Variants in PRKCQ observed in about 807,000 individuals in gnomAD.
PRKCQ encodes the protein protein kinase C theta.
In PRKCQ, 41 loss-of-function variants were observed where a neutral mutation model predicts 91.2. That is an observed-to-expected ratio of 0.45 (90% CI 0.35 to 0.58). PRKCQ has a LOEUF of 0.58. Ranked by LOEUF, PRKCQ falls within the 20% of genes least tolerant of loss-of-function variation. PRKCQ has a pLI of 0.00. For missense variants in PRKCQ, 673 were observed against 896.5 expected, an observed-to-expected ratio of 0.75 and a Z score of 3.18; for synonymous variants, 307 against 316.9, an observed-to-expected ratio of 0.97 and a Z score of 0.33.
At chr10:6,514,653 C>G (rs2130868130) in intron 2 of PRKCQ, among the ~76,000 whole-genome samples, 1 of 152,288 alleles carries the variant, frequency 6.6e-6, no homozygotes, top group Non-Finnish European at 1.5e-5. Context: ...CTTAATCTAC[C>G]TAGACTTATT....
the PRKCQ span, among the ~76,000 whole-genome samples, chr10:6,416,422 C>A: frequency 1.3e-5 from 2 of 152,114 alleles, no homozygotes; most frequent in Admixed American, 1.3e-4. Flanking sequence ...GCCTTTGCAT[C>A]CTCATAGCTT....
At chr10:6,460,095 G>T (rs946007924) in intron 14 of PRKCQ, among the ~76,000 whole-genome samples, 1 of 152,130 alleles carries the variant, frequency 6.6e-6, no homozygotes, top group African/African-American at 2.4e-5. Flanking sequence ...TACTTGTCTG[G>T]TGACCTATCC....
At chr10:6,410,976 C>CAAA in the PRKCQ span, among the ~76,000 whole-genome samples, 13 of 87,508 alleles carry the variant, frequency 1.5e-4, no homozygotes, top group Non-Finnish European at 1.9e-4. Context: ...GATTCCGTTT[C>CAAA]AAAAAAAAAA....
Position 6,430,726 on chromosome 10 carries a change from G to A in PRKCQ, c.1965+84C>T. 1.3e-6 allele frequency: 2 copies of A among 1,546,010 alleles called. No homozygotes were observed. Among genetic ancestry groups the A allele is most frequent in the Non-Finnish European group, 8.8e-7 (1 of 1,139,986 alleles). On this transcript the variant is annotated intron_variant, in intron 17 of 17. Coordinates refer to ENST00000263125, the MANE Select transcript of PRKCQ (RefSeq NM_006257.5). This position sits in a 1 kb window ranked among gnomAD's most constrained non-coding sequence, Gnocchi z 4.7. ...GGAGTTGGGGCACCGGCAGGGGTGA[G>A]CAGCTGCGGTGACTTGGACAGGCAG...
intron 1 of PRKCQ, among the ~76,000 whole-genome samples, chr10:6,562,225 GC>G (rs1188371005): frequency 6.6e-6 from 1 of 152,154 alleles, no homozygotes; most frequent in Admixed American, 6.5e-5. Flanking sequence ...CCTCATAAAT[GC>G]CCCGGTCAGT....
chr10:6,520,354 G>A (rs1044944418), intron 1 of PRKCQ, among the ~76,000 whole-genome samples: 4 of 151,852 alleles, frequency 2.6e-5, no homozygotes, highest in Non-Finnish European at 4.4e-5. Context: ...CTGCTCCACC[G>A]ATTCTGCACC....
chr10:6,540,561 G>A (rs1839739471), intron 1 of PRKCQ, among the ~76,000 whole-genome samples: 1 of 152,186 alleles, frequency 6.6e-6, no homozygotes, highest in African/African-American at 2.4e-5. Flanking sequence ...GCAGGTGTCA[G>A]AAAGTTTCAT....
chr10:6,411,413 C>T, the PRKCQ span, among the ~76,000 whole-genome samples: 1 of 152,164 alleles, frequency 6.6e-6, no homozygotes, highest in Non-Finnish European at 1.5e-5. Flanking sequence ...TCACTCTAGC[C>T]TCAGAAATCT....
chr10:6,444,634 G>A (rs1459844296), intron 15 of PRKCQ, among the ~76,000 whole-genome samples: 5 of 152,020 alleles, frequency 3.3e-5, no homozygotes, highest in Non-Finnish European at 7.3e-5. Context: ...GACTCTCTTG[G>A]GGATGAACAT....
In PRKCQ at chr10:6,464,296, CCTTTAAAGCCT is replaced by C. The variant is rs1835515611; in HGVS notation, c.1445+6_1445+16del. ...CAAGAACAGTGGAAAACTCCCAAAC[CCTTTAAAGCCT>C]CTTACGTCGCTCTGGAAAGGTCGAA... On this transcript the variant is annotated splice_donor_region_variant and intron_variant, in intron 13 of 17. Coordinates refer to ENST00000263125, the MANE Select transcript of PRKCQ (RefSeq NM_006257.5). 2.5e-6 allele frequency: 4 copies of C among 1,605,872 alleles called. No individual in the cohort carries two copies. Among genetic ancestry groups the C allele is most frequent in the Non-Finnish European group, 3.4e-6 (4 of 1,175,650 alleles).
At chr10:6,422,445 C>A (rs1833028341), downstream of PRKCQ, among the ~76,000 whole-genome samples, 1 of 152,130 alleles carries the variant, frequency 6.6e-6, no homozygotes, top group Non-Finnish European at 1.5e-5. Context: ...CACTTGCTGT[C>A]CCTCCCCTTA....
At chr10:6,514,298 C>T (rs1426392812) in intron 2 of PRKCQ, among the ~76,000 whole-genome samples, 3 of 152,066 alleles carry the variant, frequency 2.0e-5, no homozygotes, top group Non-Finnish European at 4.4e-5. Context: ...TTTGGAAATC[C>T]GTGGCAAACT....
chr10:6,440,923 G>C (rs913474159), intron 16 of PRKCQ, among the ~76,000 whole-genome samples: 4 of 152,170 alleles, frequency 2.6e-5, no homozygotes, highest in Non-Finnish European at 5.9e-5. Flanking sequence ...GGGAGGTGGA[G>C]GTTGCAGTGA....
chr10:6,492,053 G>A (rs1431505668), intron 7 of PRKCQ, among the ~76,000 whole-genome samples: 1 of 152,210 alleles, frequency 6.6e-6, no homozygotes, highest in African/African-American at 2.4e-5. Flanking sequence ...CTTGCAGACA[G>A]CTGAAATCTG....
intron 8 of PRKCQ, among the ~76,000 whole-genome samples, chr10:6,488,784 G>T (rs1180036779): frequency 6.6e-6 from 1 of 151,702 alleles, no homozygotes; most frequent in Admixed American, 6.6e-5. Flanking sequence ...CTTTGTTGTT[G>T]TGTTGTTGTT....
chr10:6,461,281 C>T (rs1190604162), intron 14 of PRKCQ, among the ~76,000 whole-genome samples: 2 of 152,180 alleles, frequency 1.3e-5, no homozygotes, highest in Non-Finnish European at 2.9e-5. Context: ...ATCCATCATC[C>T]ATCCATCCAT....
chr10:6,464,733 C>G (rs1186303477), intron 12 of PRKCQ, among the ~76,000 whole-genome samples: 2 of 152,204 alleles, frequency 1.3e-5, no homozygotes, highest in Admixed American at 6.5e-5. Context: ...CAGGCGTGAG[C>G]CGCCATACCC....
chr10:6,424,822 C>T (rs1189395433), downstream of PRKCQ, among the ~76,000 whole-genome samples: 1 of 152,206 alleles, frequency 6.6e-6, no homozygotes, highest in African/African-American at 2.4e-5. Flanking sequence ...CAGCCAAACT[C>T]TCAGTCTGTA....
At chr10:6,487,450 G>A (rs1455179245) in intron 8 of PRKCQ, among the ~76,000 whole-genome samples, 3 of 152,198 alleles carry the variant, frequency 2.0e-5, no homozygotes, top group Admixed American at 6.5e-5. Context: ...GTGACCTTGG[G>A]CAAGTCATGA....
Sources: allele counts gnomAD v4.1 joint callset (sites outside exome capture counted in the v4.1 genomes callset), GRCh38; gene constraint gnomAD v4.1.1; non-coding constraint Gnocchi (gnomAD v3.1); transcripts MANE v1.5; gene names NCBI Gene and HGNC (gene_info 2026-07-23, HGNC 2026-07-21).